The following PTGIS variants were observed in gnomAD, a reference collection of about 807,000 sequenced individuals.
PTGIS encodes prostacyclin synthase.
In PTGIS, 45 loss-of-function variants were observed where a neutral mutation model predicts 50.3. That is an observed-to-expected ratio of 0.90 (90% CI 0.70 to 1.15). The LOEUF is 1.15. Ranked by LOEUF, PTGIS falls within the 50% of genes most tolerant of loss-of-function variation. PTGIS has a pLI of 0.00. For missense variants in PTGIS, 668 were observed against 661.3 expected, an observed-to-expected ratio of 1.01 and a Z score of -0.11; for synonymous variants, 260 against 267.7, an observed-to-expected ratio of 0.97 and a Z score of 0.28.
In PTGIS at chr20:49,505,868, GC is replaced by G. The variant is rs1206757604; in HGVS notation, c.*2051del. On this transcript the variant is annotated 3_prime_UTR_variant, in exon 10 of 10. Coordinates refer to ENST00000244043, the MANE Select transcript of PTGIS (RefSeq NM_000961.4). ...ATCCTGGGGGTGCCTGGAGGCTGAG[GC>G]CCAGGGAAGCCCCCAAACCCCAGTG... The G allele has an allele frequency of 1.3e-5, 2 of 152,620 alleles. No homozygotes were observed. The highest frequency in any genetic ancestry group is 3.8e-4 in the East Asian group (2 of 5,202). The allele number at this position is 152,620 out of a possible 1,614,324, so 9.5% of individuals were successfully genotyped here. A position where few individuals can be genotyped will look rare whatever the true frequency, so the allele number is the denominator to read the frequency against.
rs187973424 is a variant in PTGIS at position 49,540,694 on chromosome 20, C to T, written c.522-973G>A. 6.6e-4 allele frequency among the ~76,000 whole-genome samples: 100 copies of T among 152,162 alleles called. 1 individual carries two copies. The highest frequency in any genetic ancestry group is 1.3e-3 in the Non-Finnish European group (85 of 67,962). On this transcript the variant is annotated intron_variant, in intron 4 of 9. Coordinates refer to ENST00000244043, the MANE Select transcript of PTGIS (RefSeq NM_000961.4). This position sits in a 1 kb window ranked among gnomAD's most constrained non-coding sequence, Gnocchi z 4.8. ...ACGCACACGCACACACACAGGACCACGCTCAGAGGACGCGCCTTCACCTCC... is the reference window on the plus strand; with the variant it reads ...ACGCACACGCACACACACAGGACCATGCTCAGAGGACGCGCCTTCACCTCC...
chr20:49,504,577 T>G lies in PTGIS; in HGVS notation c.*3343A>C, dbSNP rs950070143. ...GGCGTGGTGGTGTGCGCCTGTAATC[T>G]CAGCTACTTGGGAAGCTGAGGCAGA... On this transcript the variant is annotated 3_prime_UTR_variant, in exon 10 of 10. Coordinates refer to ENST00000244043, the MANE Select transcript of PTGIS (RefSeq NM_000961.4). The G allele has an allele frequency of 1.3e-5, 2 of 151,624 alleles. No individual in the cohort carries two copies. The highest frequency in any genetic ancestry group is 6.6e-5 in the Admixed American group (1 of 15,208). The allele number at this position is 151,624 out of a possible 1,614,324, so 9.4% of individuals were successfully genotyped here.
chr20:49,549,456 G>A (rs980995781), intron 2 of PTGIS, among the ~76,000 whole-genome samples: 7 of 152,172 alleles, frequency 4.6e-5, no homozygotes, highest in Non-Finnish European at 8.8e-5. Flanking sequence ...ATTCGTGGCC[G>A]GTTGAATCCA....
In PTGIS at chr20:49,508,069, AG is replaced by A. The variant is rs1180522333; in HGVS notation, c.1359-6del. ...ACCAGCACAAGGAACACAAATCTGC[AG>A]AGAGATGGCATGGAAGGTGTGAAGG... On this transcript the variant is annotated splice_polypyrimidine_tract_variant and splice_region_variant and intron_variant, in intron 9 of 9. Transcript: ENST00000244043. 1.2e-6 allele frequency: 2 copies of A among 1,613,716 alleles called. No individual in the cohort carries two copies. Among genetic ancestry groups the A allele is most frequent in the South Asian group, 2.2e-5 (2 of 91,084 alleles).
intron 5 of PTGIS, among the ~76,000 whole-genome samples, chr20:49,537,575 C>A (rs897009313): frequency 7.2e-5 from 11 of 151,864 alleles, no homozygotes; most frequent in Non-Finnish European, 1.2e-4. Context: ...GCCAACATGG[C>A]GAAACACTGT....
Position 49,550,097 on chromosome 20 carries a change from C to G in PTGIS, c.167G>C (p.Arg56Thr). The change falls in exon 2 of 10, where the codon AGG becomes ACG. Residue 56 changes from arginine (R) to threonine (T), a missense_variant. By Grantham distance (71) the Arg-to-Thr change is moderately conservative. Transcript: ENST00000244043. ...GATGTCACCGTGCTTCTCCTTCATC[C>G]TCGTGAGGAAGCTGGCAGCATCTTT... Reference protein sequence around the residue: ...FGKDAASFLTRMKEKHGDIFT... With the variant: ...FGKDAASFLTTMKEKHGDIFT... 1 of 1,614,176 alleles carries G rather than the reference C, an allele frequency of 6.2e-7. No homozygotes were observed. Among genetic ancestry groups the G allele is most frequent in the Non-Finnish European group, 8.5e-7 (1 of 1,180,030 alleles).
chr20:49,566,855 T>A (rs1382948377), intron 1 of PTGIS, among the ~76,000 whole-genome samples: 1 of 152,132 alleles, frequency 6.6e-6, no homozygotes, highest in East Asian at 1.9e-4. Context: ...TAAAATCCCG[T>A]GAAGTTTGAA....
intron 9 of PTGIS, among the ~76,000 whole-genome samples, chr20:49,508,570 C>T (rs750722393): frequency 8.9e-4 from 136 of 152,256 alleles, no homozygotes; most frequent in Non-Finnish European, 1.6e-3. Context: ...TCCTCTGGAT[C>T]CTCCAGCCCA....
chr20:49,552,367 C>G (rs569498030), intron 1 of PTGIS, among the ~76,000 whole-genome samples: 2 of 152,254 alleles, frequency 1.3e-5, no homozygotes, highest in Admixed American at 6.5e-5. Flanking sequence ...AGTTAAAAGA[C>G]AGAGACTAAA....
At chr20:49,524,472 C>G (rs1981742792) in intron 5 of PTGIS, among the ~76,000 whole-genome samples, 1 of 152,170 alleles carries the variant, frequency 6.6e-6, no homozygotes. Context: ...GGTCTTGTCT[C>G]CTGCAGGTGG....
chr20:49,548,131 C>T, intron 2 of PTGIS, 112 bp from the exon 3 acceptor site: 1 of 989,886 alleles, frequency 1.0e-6, no homozygotes, highest in South Asian at 1.3e-5. Context: ...CAGTAACACA[C>T]TATGTTCTCT....
At chr20:49,548,149 G>A (rs1461435548) in intron 2 of PTGIS, 130 bp from the exon 3 acceptor site, 3 of 853,962 alleles carry the variant, frequency 3.5e-6, no homozygotes, top group Non-Finnish European at 5.7e-6. Flanking sequence ...TCTTATCTAT[G>A]CCTCACTACC....
chr20:49,558,476 G>T (rs969720916), intron 1 of PTGIS, among the ~76,000 whole-genome samples: 1 of 152,172 alleles, frequency 6.6e-6, no homozygotes, highest in African/African-American at 2.4e-5. Context: ...ATGTAAAATC[G>T]TGCAGCTGCT....
intron 6 of PTGIS, among the ~76,000 whole-genome samples, chr20:49,521,387 G>C (rs753326135): frequency 6.6e-6 from 1 of 152,168 alleles, no homozygotes; most frequent in African/African-American, 2.4e-5. Context: ...TTTCCCACCT[G>C]CCTGAATTCT....
chr20:49,513,401 G>T, intron 7 of PTGIS, 140 bp from the exon 8 acceptor site: 1 of 951,020 alleles, frequency 1.1e-6, no homozygotes, highest in African/African-American at 1.6e-5. Context: ...ACATAGCAAG[G>T]TGAAAAAGGA....
At chr20:49,550,898 C>T (rs1982490703) in intron 1 of PTGIS, among the ~76,000 whole-genome samples, 1 of 151,974 alleles carries the variant, frequency 6.6e-6, no homozygotes, top group Non-Finnish European at 1.5e-5. Flanking sequence ...GTTTTTTTTC[C>T]TGCTTTGTAG....
chr20:49,548,735 GAGGAAGGA>G (rs373808633), intron 2 of PTGIS, among the ~76,000 whole-genome samples: 1 of 151,486 alleles, frequency 6.6e-6, no homozygotes, highest in East Asian at 1.9e-4. Context: ...GGAAGGGAGG[GAGGAAGGA>G]AGGAAGGAAG....
rs1416685375 is a variant in PTGIS, at chr20:49,506,829, G to A, written c.*1091C>T. The A allele has an allele frequency of 3.3e-5, 5 of 152,276 alleles. No homozygotes were observed. Among genetic ancestry groups the A allele is most frequent in the Admixed American group, 3.3e-4 (5 of 15,278 alleles). 9.4% of individuals were successfully genotyped at this position (152,276 alleles called of 1,614,324 possible). A position where few individuals can be genotyped will look rare whatever the true frequency, so the allele number is the denominator to read the frequency against. On this transcript the variant is annotated 3_prime_UTR_variant, in exon 10 of 10. Coordinates refer to ENST00000244043, the MANE Select transcript of PTGIS (RefSeq NM_000961.4). ...TTCAGGTCCAGGAGGCGCTGTGAAT[G>A]CAGAAGCAGACCCGGTCAGAACCCT... is the stretch of plus-strand genomic sequence containing the variant.
At chr20:49,537,028 AG>A (rs1165039697) in intron 5 of PTGIS, among the ~76,000 whole-genome samples, 1 of 152,202 alleles carries the variant, frequency 6.6e-6, no homozygotes, top group Non-Finnish European at 1.5e-5. Flanking sequence ...GTCACCAGCA[AG>A]GAAGCAGCAG....
Sources: gnomAD v4.1 joint callset for allele counts (sites outside exome capture counted in the v4.1 genomes callset) on GRCh38, gnomAD v4.1.1 for gene constraint, Gnocchi (gnomAD v3.1) non-coding constraint, MANE v1.5 for transcripts, NCBI Gene and HGNC (gene_info 2026-07-23, HGNC 2026-07-21) for gene names.